The following HS3ST4 variants were observed in gnomAD, a reference collection of about 807,000 sequenced individuals.
HS3ST4 encodes the protein heparan sulfate-glucosamine 3-sulfotransferase 4.
HS3ST4 carries 17 observed loss-of-function variants against 29.2 expected under a neutral mutation model. The observed-to-expected ratio is 0.58, with a 90% confidence interval of 0.40 to 0.87. The LOEUF is 0.87. Ranked by LOEUF, HS3ST4 falls within the 40% of genes least tolerant of loss-of-function variation. HS3ST4 has a pLI of 0.00. For synonymous variants in HS3ST4, 314 were observed against 285.7 expected, an observed-to-expected ratio of 1.10 and a Z score of -1.00; for missense variants, 627 against 634.5, an observed-to-expected ratio of 0.99 and a Z score of 0.13.
intron 1 of HS3ST4, among the ~76,000 whole-genome samples, chr16:26,107,523 T>G (rs1158307756): frequency 6.6e-6 from 1 of 152,184 alleles, no homozygotes; most frequent in Non-Finnish European, 1.5e-5. Context: ...AAAATATAGT[T>G]TTTTATCCCT....
chr16:25,905,761 T>C (rs779372667), intron 1 of HS3ST4, among the ~76,000 whole-genome samples: 61 of 152,220 alleles, frequency 4.0e-4, no homozygotes, highest in Non-Finnish European at 7.9e-4. Flanking sequence ...TTCATGATTT[T>C]TGTTCCTTGG....
chr16:25,971,471 G>A (rs909490325), intron 1 of HS3ST4, among the ~76,000 whole-genome samples: 1 of 152,166 alleles, frequency 6.6e-6, no homozygotes, highest in Non-Finnish European at 1.5e-5. Flanking sequence ...CTCTGTCTGG[G>A]GCTGATGGTT....
intron 1 of HS3ST4, among the ~76,000 whole-genome samples, chr16:25,952,010 GAAT>G (rs1968687774): frequency 6.7e-6 from 1 of 150,158 alleles, no homozygotes; most frequent in Admixed American, 6.6e-5. Flanking sequence ...GAAAAAAAAA[GAAT>G]AATATTTTGT....
At position 26,135,665 on chromosome 16, in the gene HS3ST4, G is replaced by T; in HGVS notation, c.788G>T (p.Ser263Ile). The change falls in exon 2 of 2, where the codon AGT becomes ATT. Residue 263 changes from serine (S) to isoleucine (I), a missense_variant. Around this residue, in one of 2 missense-constraint regions of HS3ST4, gnomAD observed 225 missense variants for 293.7 expected, o/e 0.77. Coordinates refer to ENST00000331351, the MANE Select transcript of HS3ST4 (RefSeq NM_006040.3). Reference sequence around the variant, plus strand: ...CAAATAACCATGGAGAAGACTCCAAGTTACTTTGTGACAAATGAGGCTCCC... The same window carrying T: ...CAAATAACCATGGAGAAGACTCCAATTTACTTTGTGACAAATGAGGCTCCC... ...DGQITMEKTP[S>I]YFVTNEAPKR... 3 of 1,613,594 alleles carry T rather than the reference G, an allele frequency of 1.9e-6. No individual in the cohort carries two copies. Among genetic ancestry groups the T allele is most frequent in the Non-Finnish European group, 2.5e-6 (3 of 1,179,738 alleles).
chr16:25,744,014 A>G (rs968420295), intron 1 of HS3ST4, among the ~76,000 whole-genome samples: 1 of 152,152 alleles, frequency 6.6e-6, no homozygotes, highest in African/African-American at 2.4e-5. Context: ...CTTTGATTAC[A>G]CTTGACTCCA....
At chr16:25,846,483 A>G (rs1043447635) in intron 1 of HS3ST4, among the ~76,000 whole-genome samples, 1 of 151,880 alleles carries the variant, frequency 6.6e-6, no homozygotes, top group African/African-American at 2.4e-5. Flanking sequence ...GCAGTGAGCC[A>G]TGATCACACC....
intron 1 of HS3ST4, among the ~76,000 whole-genome samples, chr16:26,018,177 C>A (rs1390171049): frequency 1.3e-5 from 2 of 152,152 alleles, no homozygotes; most frequent in African/African-American, 2.4e-5. Context: ...GTGGCCAGTT[C>A]CCAGCACAGG....
intron 1 of HS3ST4, among the ~76,000 whole-genome samples, chr16:25,928,314 A>G (rs987802690): frequency 4.6e-5 from 7 of 151,888 alleles, no homozygotes; most frequent in African/African-American, 2.4e-5. Flanking sequence ...ACAGTGAGCT[A>G]TGATTGCACC....
rs1035560660 is a variant in HS3ST4, at chr16:25,696,500, G to T, written c.734+3349G>T. Among the ~76,000 whole-genome samples the T allele has an allele frequency of 3.8e-4, 57 of 148,606 alleles. No homozygotes were observed. The East Asian group carries it at 8.1e-3, about 21-fold the overall frequency. On this transcript the variant is annotated intron_variant, in intron 1 of 1. Coordinates refer to ENST00000331351, the MANE Select transcript of HS3ST4 (RefSeq NM_006040.3). The stretch of plus-strand genomic sequence containing the variant: ...GGAAGTGATTGTCCATGGTTTGTTT[G>T]TTTTTTTTTTTCTTTTGAGATGAAG...
chr16:25,930,420 C>T (rs949600820), intron 1 of HS3ST4, among the ~76,000 whole-genome samples: 1 of 152,364 alleles, frequency 6.6e-6, no homozygotes, highest in South Asian at 2.1e-4. Context: ...CTGCTAAGTT[C>T]CAGATGGGGA....
At chr16:25,806,665 A>C (rs1286101946) in intron 1 of HS3ST4, among the ~76,000 whole-genome samples, 1 of 152,156 alleles carries the variant, frequency 6.6e-6, no homozygotes, top group Non-Finnish European at 1.5e-5. Context: ...GGTAAGAAAT[A>C]ATGTGGAGAG....
At chr16:25,958,733 CT>C (rs1401737761) in intron 1 of HS3ST4, among the ~76,000 whole-genome samples, 2 of 152,202 alleles carry the variant, frequency 1.3e-5, no homozygotes, top group Non-Finnish European at 2.9e-5. Flanking sequence ...CAAACCAGTA[CT>C]GGCTTTCAGC....
intron 1 of HS3ST4, among the ~76,000 whole-genome samples, chr16:25,852,976 G>A (rs891886888): frequency 6.6e-6 from 1 of 151,978 alleles, no homozygotes; most frequent in African/African-American, 2.4e-5. Context: ...AGTTCCACCA[G>A]TCTTCTCTGA....
chr16:26,118,727 A>G (rs1252015177), intron 1 of HS3ST4, among the ~76,000 whole-genome samples: 1 of 152,212 alleles, frequency 6.6e-6, no homozygotes, highest in African/African-American at 2.4e-5. Context: ...AGATCACTCC[A>G]GGATGAGGAA....
intron 1 of HS3ST4, among the ~76,000 whole-genome samples, chr16:26,033,507 T>A (rs1969551925): frequency 7.7e-6 from 1 of 129,172 alleles, no homozygotes; most frequent in South Asian, 3.0e-4. Flanking sequence ...TGTGTGAGAC[T>A]CTGTCTCAAA....
intron 1 of HS3ST4, among the ~76,000 whole-genome samples, chr16:25,775,621 A>G (rs1966846947): frequency 6.6e-6 from 1 of 152,208 alleles, no homozygotes; most frequent in South Asian, 2.1e-4. Flanking sequence ...TGGTCTCCAG[A>G]TAGCTTACAA....
chr16:26,064,184 A>G (rs538289013), intron 1 of HS3ST4, among the ~76,000 whole-genome samples: 6 of 152,292 alleles, frequency 3.9e-5, no homozygotes, highest in Admixed American at 1.3e-4. Flanking sequence ...ATCTCTCTCC[A>G]ATAGATGTCA....
intron 1 of HS3ST4, among the ~76,000 whole-genome samples, chr16:26,105,886 G>C (rs1899049359): frequency 6.6e-6 from 1 of 152,236 alleles, no homozygotes; most frequent in Admixed American, 6.5e-5. Context: ...GTCTGGGACT[G>C]TCACTCACTT....
intron 1 of HS3ST4, among the ~76,000 whole-genome samples, chr16:25,988,016 G>A (rs147798254): frequency 1.3e-5 from 2 of 152,164 alleles, no homozygotes; most frequent in East Asian, 1.9e-4. Context: ...TGATCCACCC[G>A]CCTCAGCCTC....
Sources: allele counts gnomAD v4.1 joint callset (sites outside exome capture counted in the v4.1 genomes callset), GRCh38; gene constraint gnomAD v4.1.1; regional missense constraint gnomAD v4.1.1; transcripts MANE v1.5; gene names NCBI Gene and HGNC (gene_info 2026-07-23, HGNC 2026-07-21).